Variants in DDRGK1 observed in about 807,000 individuals in gnomAD.
DDRGK1 encodes the protein DDRGK domain-containing protein 1.
A neutral mutation model predicts 45.8 loss-of-function variants in DDRGK1; 38 were observed. The ratio of observed to expected loss-of-function variants is 0.83; its 90% CI spans 0.64 to 1.09. The LOEUF (loss-of-function observed/expected upper bound fraction) is 1.09. DDRGK1 is among the 50% of genes least tolerant of loss of function. The pLI is 0.00. For missense variants in DDRGK1, 403 were observed against 419.9 expected (o/e 0.96, Z 0.35); for synonymous variants, 171 against 168.7 (o/e 1.01, Z -0.11).
In DDRGK1 at chr20:3,203,429, C is replaced by G. The variant is rs768443076; in HGVS notation, c.92-13G>C. 1 of 1,538,448 alleles carries G rather than the reference C, an allele frequency of 6.5e-7. No homozygotes were observed. The highest frequency in any genetic ancestry group is 8.7e-7 in the Non-Finnish European group (1 of 1,142,942). On this transcript the variant is annotated splice_polypyrimidine_tract_variant and intron_variant, in intron 1 of 8. Coordinates refer to ENST00000354488, the MANE Select transcript of DDRGK1 (RefSeq NM_023935.3). ...GGCTCTTGGCCGGCTGTAGGGAAGA[C>G]AGAAATGACAATGCTGCCTATAAGC...
chr20:3,201,042 G>C (rs112522277), intron 2 of DDRGK1, among the ~76,000 whole-genome samples: 2,319 of 152,100 alleles, frequency 0.015, 23 homozygotes, highest in South Asian at 0.035. Context: ...CCCAGGAGCC[G>C]GAACTTGCAG....
In DDRGK1 at chr20:3,190,533, CA is replaced by C. The variant is rs1256373710; in HGVS notation, c.*119del. ...GCCACACCAAGCTCAGCAGTACTCA[CA>C]GGCCTTTAATCTATAACTGCCTGGC... On this transcript the variant is annotated 3_prime_UTR_variant, in exon 9 of 9. Coordinates refer to ENST00000354488, the MANE Select transcript of DDRGK1 (RefSeq NM_023935.3). 1 of 1,287,606 alleles carries C rather than the reference CA, an allele frequency of 7.8e-7. No individual in the cohort carries two copies. Among genetic ancestry groups the C allele is most frequent in the Non-Finnish European group, 1.1e-6 (1 of 925,650 alleles). 79.8% of individuals were successfully genotyped at this position (1,287,606 alleles called of 1,614,324 possible).
chr20:3,193,094 C>T (rs565958057), intron 6 of DDRGK1, among the ~76,000 whole-genome samples: 8 of 152,230 alleles, frequency 5.3e-5, no homozygotes, highest in African/African-American at 1.9e-4. Context: ...TGTGGTGGCA[C>T]CCACCTGCAA....
Position 3,203,219 on chromosome 20 carries a change from T to G in DDRGK1, c.289A>C (p.Ile97Leu). The G allele has an allele frequency of 1.9e-6, 3 of 1,582,880 alleles. No homozygotes were observed. Among genetic ancestry groups the G allele is most frequent in the Non-Finnish European group, 2.6e-6 (3 of 1,162,458 alleles). ...EADENEEEAV[I>L]LAQEEEGVEK... ...CAGGCTGGGCCCCTCTCACCTAGGA[T>G]GACAGCTTCCTCCTCGTTCTCATCT... Residue 97 changes from isoleucine to leucine, a missense_variant, in exon 2 of 9, where the codon ATC (isoleucine) becomes CTC (leucine). Transcript: ENST00000354488.
chr20:3,190,545 C>T lies in DDRGK1; in HGVS notation c.*108G>A. 7.1e-7 allele frequency: 1 copy of T among 1,411,136 alleles called. No homozygotes were observed. Among genetic ancestry groups the T allele is most frequent in the Non-Finnish European group, 9.7e-7 (1 of 1,029,678 alleles). 87.4% of individuals were successfully genotyped at this position (1,411,136 alleles called of 1,614,324 possible). A position where few individuals can be genotyped will look rare whatever the true frequency, so the allele number is the denominator to read the frequency against. ...TCAGCAGTACTCACAGGCCTTTAAT[C>T]TATAACTGCCTGGCCACACCATCAC... On this transcript the variant is annotated 3_prime_UTR_variant, in exon 9 of 9. Transcript: ENST00000354488.
chr20:3,203,255 A>C lies in DDRGK1; in HGVS notation c.253T>G (p.Trp85Gly). 6.2e-7 allele frequency: 1 copy of C among 1,604,856 alleles called. No homozygotes were observed. The highest frequency in any genetic ancestry group is 8.5e-7 in the Non-Finnish European group (1 of 1,174,796). The change falls in exon 2 of 9, where the codon TGG (tryptophan) becomes GGG (glycine). Residue 85 changes from tryptophan to glycine, a missense_variant. By Grantham distance (184) the Trp-to-Gly change is radical. Coordinates refer to ENST00000354488, the MANE Select transcript of DDRGK1 (RefSeq NM_023935.3). ...TCCTCGTTCTCATCTGCTTCTGCCC[A>C]GGCCACCCGCTGGGCTCGACGCTGG... is the stretch of plus-strand genomic sequence containing the variant. ...QAQRRAQRVA[W>G]AEADENEEEA...
intron 2 of DDRGK1, among the ~76,000 whole-genome samples, chr20:3,202,481 C>T (rs932179489): frequency 3.3e-5 from 5 of 152,142 alleles, no homozygotes; most frequent in African/African-American, 1.2e-4. Context: ...ATCCCTTTGC[C>T]CATCAAACCC....
chr20:3,197,993 G>C (rs2067019094), intron 4 of DDRGK1, among the ~76,000 whole-genome samples: 1 of 148,810 alleles, frequency 6.7e-6, no homozygotes, highest in East Asian at 2.0e-4. Flanking sequence ...GTGCACACCT[G>C]TAGCCCCAGC....
chr20:3,203,192 A>C, intron 2 of DDRGK1, 21 bp downstream of exon 2: 9 of 1,522,946 alleles, frequency 5.9e-6, no homozygotes, highest in Non-Finnish European at 7.9e-6. Context: ...CCCTCTCCCC[A>C]CCAGGCTGGG....
intron 4 of DDRGK1, 51 bp downstream of exon 4, chr20:3,199,950 G>A: frequency 6.6e-7 from 1 of 1,514,056 alleles, no homozygotes. Flanking sequence ...TAAGAAGCAA[G>A]GCTGCCTTGC....
chr20:3,192,832 G>A (rs957294899), intron 6 of DDRGK1, among the ~76,000 whole-genome samples: 1 of 152,168 alleles, frequency 6.6e-6, no homozygotes, highest in Admixed American at 6.5e-5. Context: ...CTCCCTGACT[G>A]CAGATAGCAT....
intron 4 of DDRGK1, among the ~76,000 whole-genome samples, chr20:3,198,689 G>A (rs6084297): frequency 0.99 from 105,167 of 105,900 alleles, 52,223 homozygotes; most frequent in Middle Eastern, 1. Flanking sequence ...AACAAGAGTG[G>A]AACTCCGTTT....
chr20:3,193,651 G>A (rs1283905961), intron 6 of DDRGK1, among the ~76,000 whole-genome samples: 3 of 152,184 alleles, frequency 2.0e-5, no homozygotes, highest in African/African-American at 4.8e-5. Flanking sequence ...GATTGCAGGC[G>A]TGAGCCACCA....
chr20:3,195,797 T>A (rs4815575), intron 4 of DDRGK1, among the ~76,000 whole-genome samples: 47,045 of 151,800 alleles, frequency 0.31, 7,398 homozygotes, highest in South Asian at 0.45. Flanking sequence ...GCTTCTGTGT[T>A]CCCAGTTCTA....
chr20:3,191,542 G>C (rs1048327194), intron 7 of DDRGK1: 2 of 734,810 alleles, frequency 2.7e-6, no homozygotes, highest in African/African-American at 3.5e-5. Flanking sequence ...TGGTCACAGG[G>C]GCTGGCAGAG....
Position 3,204,660 on chromosome 20 carries a change from AC to A in DDRGK1, c.-34del. ...GCCTCAGTGCAGAACCACTGCGTCC[AC>A]CCTGAGGCCGGGATCTCATAGGCCC... On this transcript the variant is annotated 5_prime_UTR_variant, in exon 1 of 9. The change creates a premature stop within an existing upstream ORF in the 5' untranslated region. Coordinates refer to ENST00000354488, the MANE Select transcript of DDRGK1 (RefSeq NM_023935.3). 6.5e-7 allele frequency: 1 copy of A among 1,549,104 alleles called. No individual in the cohort carries two copies. Among genetic ancestry groups the A allele is most frequent in the South Asian group, 1.2e-5 (1 of 84,778 alleles).
At chr20:3,197,137 C>T (rs962454709) in intron 4 of DDRGK1, among the ~76,000 whole-genome samples, 31 of 146,794 alleles carry the variant, frequency 2.1e-4, no homozygotes, top group East Asian at 2.1e-4. Context: ...GCAGCAGAAT[C>T]GCTTGAACCT....
At chr20:3,200,251 G>A in intron 3 of DDRGK1, 91 bp downstream of exon 3, 2 of 1,460,508 alleles carry the variant, frequency 1.4e-6, no homozygotes, top group Middle Eastern at 1.8e-4. Flanking sequence ...CACCAGCCCA[G>A]CAGGCAACAA....
chr20:3,203,022 G>A (rs1221877845), intron 2 of DDRGK1, among the ~76,000 whole-genome samples, 191 bp downstream of exon 2: 1 of 152,078 alleles, frequency 6.6e-6, no homozygotes, highest in Non-Finnish European at 1.5e-5. Context: ...TGAGAGCCAA[G>A]ATGAAGGTAG....
Sources: allele counts gnomAD v4.1 joint callset (sites outside exome capture counted in the v4.1 genomes callset), GRCh38; gene constraint gnomAD v4.1.1; transcripts MANE v1.5; gene names NCBI Gene and HGNC (gene_info 2026-07-23, HGNC 2026-07-21).